ANAPC13: variants seen among roughly 807,000 people sequenced by gnomAD.
The protein encoded by ANAPC13 is anaphase-promoting complex subunit 13.
A neutral mutation model predicts 9.6 loss-of-function variants in ANAPC13; 9 were observed. That is an observed-to-expected ratio of 0.94 (90% CI 0.57 to 1.64). The LOEUF (loss-of-function observed/expected upper bound fraction) is 1.64, where lower values mean the gene tolerates loss of function less well. ANAPC13 is among the 40% of genes most tolerant of loss of function. The pLI is 0.00. For synonymous variants in ANAPC13, 30 were observed against 29.7 expected, an observed-to-expected ratio of 1.01 and a Z score of -0.03; for missense variants, 75 against 85.3, an observed-to-expected ratio of 0.88 and a Z score of 0.48.
intron 2 of ANAPC13, among the ~76,000 whole-genome samples, chr3:134,481,714 G>C (rs1460077153): frequency 6.6e-6 from 1 of 152,198 alleles, no homozygotes; most frequent in Admixed American, 6.5e-5. Context: ...AAGTTCACAA[G>C]ACAGGATTTG....
chr3:134,482,022 T>C (rs985670349), intron 2 of ANAPC13, among the ~76,000 whole-genome samples: 1 of 152,258 alleles, frequency 6.6e-6, no homozygotes, highest in African/African-American at 2.4e-5. Flanking sequence ...TTGAACATAT[T>C]ACTATCTCTT....
At chr3:134,486,001 C>CG, upstream of ANAPC13, 1 of 982,414 alleles carries the variant, frequency 1.0e-6, no homozygotes, top group Non-Finnish European at 1.2e-6. Flanking sequence ...GCCCCCCCCC[C>CG]CTCCCCCGCA....
intron 1 of ANAPC13, chr3:134,483,184 G>A: frequency 4.9e-6 from 2 of 411,092 alleles, no homozygotes; most frequent in Non-Finnish European, 4.4e-6. Flanking sequence ...AGAGCAACAC[G>A]TTAAACGAGG....
rs1048685483 is a variant in ANAPC13 at position 134,485,950 on chromosome 3, A to C, written c.-28+2T>G. On this transcript the variant is annotated splice_donor_variant, in intron 1 of 2. Transcript: ENST00000354910. LOFTEE classifies it low-confidence loss of function (5UTR_SPLICE). Reference sequence around the variant, plus strand: ...TAGGCCGGGGGCGCTGGAAACCCTTACCGGCACCCGGCCACCGCGGCAGAC... The same window carrying C: ...TAGGCCGGGGGCGCTGGAAACCCTTCCCGGCACCCGGCCACCGCGGCAGAC... 2 of 980,030 alleles carry C rather than the reference A, an allele frequency of 2.0e-6. No individual in the cohort carries two copies. Among genetic ancestry groups the C allele is most frequent in the African/African-American group, 3.6e-5 (2 of 55,540 alleles). 60.7% of individuals were successfully genotyped at this position (980,030 alleles called of 1,614,324 possible).
chr3:134,481,769 C>T (rs770272079), intron 2 of ANAPC13, among the ~76,000 whole-genome samples: 19 of 152,186 alleles, frequency 1.2e-4, no homozygotes, highest in Non-Finnish European at 2.4e-4. Context: ...CCCTACTTAC[C>T]TGCTACCAGA....
At chr3:134,481,441 A>G (rs1934732724) in intron 2 of ANAPC13, among the ~76,000 whole-genome samples, 1 of 152,104 alleles carries the variant, frequency 6.6e-6, no homozygotes, top group Non-Finnish European at 1.5e-5. Context: ...GTCTACCTCC[A>G]CTAAACTTCT....
Position 134,477,893 on chromosome 3 carries a change from T to G in ANAPC13, c.*697A>C, listed in dbSNP as rs1934646817. 1 of 152,328 alleles carries G rather than the reference T, an allele frequency of 6.6e-6. No homozygotes were observed. The highest frequency in any genetic ancestry group is 6.5e-5 in the Admixed American group (1 of 15,302). 9.4% of individuals were successfully genotyped at this position (152,328 alleles called of 1,614,324 possible). On this transcript the variant is annotated 3_prime_UTR_variant, in exon 3 of 3. Transcript: ENST00000354910. ...TTCAAAATACAGGTTCTTATACAAATGTATAACTAAATACTGATTCCATAG... is the reference window on the plus strand; with the variant it reads ...TTCAAAATACAGGTTCTTATACAAAGGTATAACTAAATACTGATTCCATAG...
chr3:134,482,037 G>A lies in ANAPC13; in HGVS notation c.99+769C>T, dbSNP rs193064141. On this transcript the variant is annotated intron_variant, in intron 2 of 2. Transcript: ENST00000354910. ...TTGAACATATTACTATCTCTTATTC[G>A]TAAATGAAAATACAGATGAACTATT... is the stretch of plus-strand genomic sequence containing the variant. Among the ~76,000 whole-genome samples, 32 of 152,062 alleles carry A rather than the reference G, an allele frequency of 2.1e-4. No individual in the cohort carries two copies. In the East Asian group the frequency reaches 4.6e-3, roughly 22 times the overall value.
intron 2 of ANAPC13, among the ~76,000 whole-genome samples, chr3:134,479,057 C>T (rs1008798933): frequency 1.4e-4 from 22 of 152,116 alleles, no homozygotes; most frequent in Non-Finnish European, 2.1e-4. Context: ...GTATGCAAAC[C>T]CTTGGGGCCT....
rs141905079 is a variant in ANAPC13, at chr3:134,481,278, T to C, written c.99+1528A>G. On this transcript the variant is annotated intron_variant, in intron 2 of 2. Coordinates refer to ENST00000354910, the MANE Select transcript of ANAPC13 (RefSeq NM_015391.4). Reference sequence around the variant, plus strand: ...CTGAGGATGAGGTCTAAGTGTGATATCAAATACCACTCTCAATCTGATCCA... The same window carrying C: ...CTGAGGATGAGGTCTAAGTGTGATACCAAATACCACTCTCAATCTGATCCA... Among the ~76,000 whole-genome samples the C allele has an allele frequency of 5.9e-3, 899 of 152,330 alleles. 25 individuals carry two copies. The highest frequency in any genetic ancestry group is 0.055 in the Admixed American group (838 of 15,306).
chr3:134,483,141 A>G (rs1934776982), intron 1 of ANAPC13: 1 of 541,742 alleles, frequency 1.8e-6, no homozygotes, highest in Non-Finnish European at 3.3e-6. Flanking sequence ...GGCATAGCCC[A>G]GCTGACAGAC....
chr3:134,483,404 A>G (rs1374820448), intron 1 of ANAPC13, among the ~76,000 whole-genome samples: 1 of 152,188 alleles, frequency 6.6e-6, no homozygotes, highest in Non-Finnish European at 1.5e-5. Flanking sequence ...TCCCTAAAAT[A>G]GTACCCAGGC....
chr3:134,484,912 G>A (rs1424119148), intron 1 of ANAPC13, among the ~76,000 whole-genome samples: 1 of 152,222 alleles, frequency 6.6e-6, no homozygotes, highest in Non-Finnish European at 1.5e-5. Flanking sequence ...CAGCTTTGTG[G>A]TCAATTGCTC....
intron 2 of ANAPC13, among the ~76,000 whole-genome samples, chr3:134,481,028 C>T (rs1273705582): frequency 3.9e-5 from 6 of 152,168 alleles, no homozygotes; most frequent in Non-Finnish European, 5.9e-5. Flanking sequence ...CCCAAATGTT[C>T]TCCAATCTGA....
chr3:134,480,155 CA>C (rs1315355760), intron 2 of ANAPC13, among the ~76,000 whole-genome samples: 11 of 152,124 alleles, frequency 7.2e-5, no homozygotes, highest in African/African-American at 2.4e-5. Context: ...TATTGTAACG[CA>C]ATAATATATT....
rs11299516 is a variant in ANAPC13, at chr3:134,484,388, GAA to G, written c.-27-1459_-27-1458del. Among the ~76,000 whole-genome samples, 5 of 147,718 alleles carry G rather than the reference GAA, an allele frequency of 3.4e-5. No individual in the cohort carries two copies. In the East Asian group the frequency reaches 6.0e-4, roughly 18 times the overall value. On this transcript the variant is annotated intron_variant, in intron 1 of 2. Transcript: ENST00000354910. ...GGCGACAGAGCAAGATTCCGTCTCG[GAA>G]AAAAAAAAACAAAAAAAACCAAAAA... is the stretch of plus-strand genomic sequence containing the variant.
intron 2 of ANAPC13, among the ~76,000 whole-genome samples, chr3:134,480,018 T>C (rs1934701777): frequency 6.6e-6 from 1 of 152,222 alleles, no homozygotes; most frequent in Non-Finnish European, 1.5e-5. Flanking sequence ...TGTGAATATG[T>C]TTTCCCCTCT....
intron 2 of ANAPC13, among the ~76,000 whole-genome samples, chr3:134,481,063 C>A (rs572411059): frequency 6.6e-6 from 1 of 152,290 alleles, no homozygotes; most frequent in East Asian, 1.9e-4. Context: ...CAGAAATGGA[C>A]GTCTCCTTTA....
intron 1 of ANAPC13, among the ~76,000 whole-genome samples, chr3:134,483,515 C>G (rs1042214524): frequency 6.6e-6 from 1 of 152,214 alleles, no homozygotes; most frequent in African/African-American, 2.4e-5. Flanking sequence ...GCTCCTTCCT[C>G]GGAGGTTCCT....
Sources: gnomAD v4.1 joint callset for allele counts (sites outside exome capture counted in the v4.1 genomes callset) on GRCh38, gnomAD v4.1.1 for gene constraint, MANE v1.5 for transcripts, NCBI Gene and HGNC (gene_info 2026-07-23, HGNC 2026-07-21) for gene names.